The following G3BP2 variants were observed in gnomAD, a reference collection of about 807,000 sequenced individuals.
The protein encoded by G3BP2 is G3BP stress granule assembly factor 2.
A neutral mutation model predicts 56.7 loss-of-function variants in G3BP2; 11 were observed. The observed-to-expected ratio is 0.19, with a 90% confidence interval of 0.12 to 0.32. The LOEUF is 0.32. Among genes scored for constraint, G3BP2 ranks in the 10% least tolerant of loss-of-function variants. The pLI is 1.00. For missense variants in G3BP2, 340 were observed against 610.9 expected (o/e 0.56, Z 4.67); for synonymous variants, 165 against 191.6 (o/e 0.86, Z 1.15).
chr4:75,718,925 A>G (rs7677150), intron 3 of G3BP2, among the ~76,000 whole-genome samples: 135,948 of 152,204 alleles, frequency 0.89, 60,766 homozygotes, highest in African/African-American at 0.93. Context: ...AGAAATAGTG[A>G]AAACCCAGAT....
Position 75,651,291 on chromosome 4 carries a change from C to T in G3BP2, c.826-2550G>A, listed in dbSNP as rs1731684701. Among the ~76,000 whole-genome samples, 3 of 152,240 alleles carry T rather than the reference C, an allele frequency of 2.0e-5. No homozygotes were observed. The South Asian group carries it at 6.2e-4, about 32-fold the overall frequency. ...AGAAAAACCTTAGACTCATTCAATC[C>T]AAATGTTATCAAAGAACTTGAGGCC... On this transcript the variant is annotated intron_variant, in intron 8 of 11. Coordinates refer to ENST00000359707, the MANE Select transcript of G3BP2 (RefSeq NM_203505.3).
chr4:75,660,831 T>C (rs1732495550), intron 2 of G3BP2, among the ~76,000 whole-genome samples: 1 of 152,172 alleles, frequency 6.6e-6, no homozygotes, highest in African/African-American at 2.4e-5. Context: ...ACCTATCTTC[T>C]ACTTGCTAAG....
intron 1 of G3BP2, among the ~76,000 whole-genome samples, chr4:75,668,192 G>T (rs1299466229): frequency 6.6e-6 from 1 of 152,174 alleles, no homozygotes; most frequent in Admixed American, 6.5e-5. Flanking sequence ...AGACATACAT[G>T]CAGATTAGAA....
Position 75,687,274 on chromosome 4 carries a change from A to C in G3BP2, c.-24-25225T>G, listed in dbSNP as rs138200638. Among the ~76,000 whole-genome samples, 299 of 152,294 alleles carry C rather than the reference A, an allele frequency of 2.0e-3. 1 individual carries two copies. The highest frequency in any genetic ancestry group is 0.01 in the Middle Eastern group (3 of 294). Reference sequence around the variant, plus strand: ...CATGCTATTCTCATGATAGTGAATAAGTCTCATAAGATCTGATGGTTTTAA... The same window carrying C: ...CATGCTATTCTCATGATAGTGAATACGTCTCATAAGATCTGATGGTTTTAA... On this transcript the variant is annotated intron_variant, in intron 3 of 3. Coordinates refer to the G3BP2 transcript ENST00000499709.
intron 2 of G3BP2, 78 bp downstream of exon 2, chr4:75,661,853 C>A: frequency 2.9e-6 from 2 of 699,324 alleles, no homozygotes. Flanking sequence ...AATGAGGAGA[C>A]AGGAAATGCA....
intron 3 of G3BP2, among the ~76,000 whole-genome samples, chr4:75,686,693 G>C (rs759755228): frequency 2.0e-5 from 3 of 152,056 alleles, no homozygotes; most frequent in Admixed American, 6.6e-5. Flanking sequence ...TCTCACAAAG[G>C]GGGGAAATGG....
intron 3 of G3BP2, among the ~76,000 whole-genome samples, chr4:75,678,836 G>C (rs764987100): frequency 6.6e-6 from 1 of 152,148 alleles, no homozygotes; most frequent in Non-Finnish European, 1.5e-5. Flanking sequence ...GTAAGGTTTA[G>C]ACAATACATG....
chr4:75,674,718 A>ATATATATATTTTTT (rs1241041465), upstream of G3BP2, among the ~76,000 whole-genome samples: 1 of 71,422 alleles, frequency 1.4e-5, no homozygotes, highest in African/African-American at 5.9e-5. Context: ...ATATATATAT[A>ATATATATATTTTTT]TTTTTTTTTT....
intron 3 of G3BP2, among the ~76,000 whole-genome samples, chr4:75,712,174 G>A (rs1485495712): frequency 1.3e-5 from 2 of 151,958 alleles, no homozygotes; most frequent in Non-Finnish European, 2.9e-5. Flanking sequence ...GTACGATTAT[G>A]TGCCAATTTA....
chr4:75,657,365 G>C (rs887257417), intron 4 of G3BP2, among the ~76,000 whole-genome samples, 192 bp downstream of exon 4: 1 of 152,108 alleles, frequency 6.6e-6, no homozygotes, highest in African/African-American at 2.4e-5. Flanking sequence ...TTACAAACTT[G>C]TATCAGTATT....
chr4:75,661,774 C>A, intron 2 of G3BP2, 157 bp downstream of exon 2: 1 of 554,548 alleles, frequency 1.8e-6, no homozygotes. Flanking sequence ...CAGTTAAAAA[C>A]ACTTTTTGCC....
intron 1 of G3BP2, among the ~76,000 whole-genome samples, chr4:75,666,979 T>C (rs1281790194): frequency 1.3e-5 from 2 of 152,152 alleles, no homozygotes; most frequent in Non-Finnish European, 2.9e-5. Context: ...TACAAGACTA[T>C]ACAGTTCTAC....
chr4:75,645,650 CTT>C lies in G3BP2; in HGVS notation c.1227_1228del (p.Arg410SerfsTer12). The C allele has an allele frequency of 1.2e-6, 2 of 1,613,970 alleles. No homozygotes were observed. The highest frequency in any genetic ancestry group is 8.5e-7 in the Non-Finnish European group (1 of 1,179,952). ...TCTGGTTTCTCGCTCTCTTGCAGCTCTTGTTTTTTTCTCTTCCACATTTAAAC... is the reference window on the plus strand; with the variant it reads ...TCTGGTTTCTCGCTCTCTTGCAGCTCGTTTTTTTCTCTTCCACATTTAAAC... On this transcript the variant is annotated frameshift_variant, in exon 12 of 12. Transcript: ENST00000359707. LOFTEE classifies it high-confidence loss of function.
At chr4:75,660,873 C>T (rs1180118962) in intron 2 of G3BP2, among the ~76,000 whole-genome samples, 1 of 152,080 alleles carries the variant, frequency 6.6e-6, no homozygotes, top group Non-Finnish European at 1.5e-5. Context: ...TTAAATACTA[C>T]ACATAATATA....
At position 75,670,107 on chromosome 4, in the gene G3BP2, C is replaced by G. The variant is rs1733369795; in HGVS notation, c.-25+3101G>C. ...AGACCTCTAGTAATAGGAGGCAGTTCTCTTTACCAGATACTGTTACCAAAG... is the reference window on the plus strand; with the variant it reads ...AGACCTCTAGTAATAGGAGGCAGTTGTCTTTACCAGATACTGTTACCAAAG... On this transcript the variant is annotated intron_variant, in intron 1 of 11. Coordinates refer to ENST00000359707, the MANE Select transcript of G3BP2 (RefSeq NM_203505.3). Among the ~76,000 whole-genome samples the G allele has an allele frequency of 2.6e-5, 4 of 152,168 alleles. No homozygotes were observed. The South Asian group carries it at 8.3e-4, about 32-fold the overall frequency.
chr4:75,711,383 T>G (rs1719752204), intron 3 of G3BP2, among the ~76,000 whole-genome samples: 3 of 151,078 alleles, frequency 2.0e-5, no homozygotes, highest in Non-Finnish European at 4.4e-5. Flanking sequence ...ATTATTCTCA[T>G]CACCTACCAT....
At chr4:75,674,809 G>A (rs1370669862), upstream of G3BP2, among the ~76,000 whole-genome samples, 4 of 145,792 alleles carry the variant, frequency 2.7e-5, no homozygotes, top group East Asian at 2.0e-4. Flanking sequence ...TGCAACCTCC[G>A]CCTCCCGGGT....
At chr4:75,665,067 C>T (rs1732893735) in intron 1 of G3BP2, among the ~76,000 whole-genome samples, 1 of 152,150 alleles carries the variant, frequency 6.6e-6, no homozygotes, top group South Asian at 2.1e-4. Context: ...AGAGACAGCC[C>T]TGCATAGGTC....
upstream of G3BP2, among the ~76,000 whole-genome samples, chr4:75,676,531 C>T (rs1374692913): frequency 2.6e-5 from 4 of 151,982 alleles, no homozygotes; most frequent in East Asian, 1.9e-4. Flanking sequence ...TTAGTAGAGA[C>T]GAGGTTTCAC....
Sources: gnomAD v4.1 joint callset for allele counts (sites outside exome capture counted in the v4.1 genomes callset) on GRCh38, gnomAD v4.1.1 for gene constraint, MANE v1.5 for transcripts, NCBI Gene and HGNC (gene_info 2026-07-23, HGNC 2026-07-21) for gene names.